Variants in PPM1L observed in about 807,000 individuals in gnomAD.
The protein encoded by PPM1L is protein phosphatase, Mg2+/Mn2+ dependent 1L.
PPM1L carries 13 observed loss-of-function variants against 31.4 expected under a neutral mutation model. That is an observed-to-expected ratio of 0.41 (90% CI 0.27 to 0.66). The LOEUF (loss-of-function observed/expected upper bound fraction) is 0.66, where lower values mean the gene tolerates loss of function less well. Ranked by LOEUF, PPM1L falls within the 30% of genes least tolerant of loss-of-function variation. The pLI is 0.29. For synonymous variants in PPM1L, 184 were observed against 175.4 expected (o/e 1.05, Z -0.39); for missense variants, 326 against 453.7 (o/e 0.72, Z 2.56).
rs1714176812 is a variant in PPM1L at position 160,916,253 on chromosome 3, A to G, written c.400-45483A>G. Among the ~76,000 whole-genome samples, 4 of 152,230 alleles carry G rather than the reference A, an allele frequency of 2.6e-5. No individual in the cohort carries two copies. In the South Asian group the frequency reaches 8.3e-4, roughly 32 times the overall value. ...CCCCATCAAAAAGTGGGCGAAGGAT[A>G]TGAACAGACACTTCTCAAAAGAAGA... On this transcript the variant is annotated intron_variant, in intron 1 of 3. Coordinates refer to ENST00000498165, the MANE Select transcript of PPM1L (RefSeq NM_139245.4).
At chr3:161,066,112 TCTC>T (rs1432633087) in intron 3 of PPM1L, among the ~76,000 whole-genome samples, 1 of 152,224 alleles carries the variant, frequency 6.6e-6, no homozygotes, top group Non-Finnish European at 1.5e-5. Context: ...CATACCTGGC[TCTC>T]CTATTTGCCT....
chr3:160,987,012 T>A (rs1164679701), intron 2 of PPM1L, among the ~76,000 whole-genome samples: 3 of 152,218 alleles, frequency 2.0e-5, no homozygotes, highest in African/African-American at 7.2e-5. Context: ...GAGTTTTATT[T>A]GTCTTCACTT....
chr3:160,834,951 GA>G (rs1332621302), intron 1 of PPM1L, among the ~76,000 whole-genome samples: 2 of 152,010 alleles, frequency 1.3e-5, no homozygotes, highest in Non-Finnish European at 2.9e-5. Flanking sequence ...ATGCACAAAA[GA>G]ACAATTGTCA....
rs566275865 is a variant in PPM1L, at chr3:161,059,417, G to C, written c.575-5986G>C. ...GTGTAAAGTGTATTTTGCTACATCT[G>C]ATAGCTCTTTTTATGGCAATAGCTG... On this transcript the variant is annotated intron_variant, in intron 2 of 3. Transcript: ENST00000498165. Among the ~76,000 whole-genome samples the C allele has an allele frequency of 2.0e-5, 3 of 152,266 alleles. No individual in the cohort carries two copies. In the South Asian group the frequency reaches 6.2e-4, roughly 32 times the overall value.
At chr3:160,783,890 ATAGT>A (rs1711821690) in intron 1 of PPM1L, among the ~76,000 whole-genome samples, 1 of 152,206 alleles carries the variant, frequency 6.6e-6, no homozygotes, top group Non-Finnish European at 1.5e-5. Flanking sequence ...GAAATATCTG[ATAGT>A]TAGAAGAGAT....
At chr3:161,021,575 C>T (rs753553086) in intron 2 of PPM1L, among the ~76,000 whole-genome samples, 2 of 151,868 alleles carry the variant, frequency 1.3e-5, no homozygotes, top group Non-Finnish European at 2.9e-5. Context: ...TTATTTATTT[C>T]CTTTTTAATC....
At chr3:160,779,030 G>T (rs1267799120) in intron 1 of PPM1L, among the ~76,000 whole-genome samples, 1 of 148,046 alleles carries the variant, frequency 6.8e-6, no homozygotes, top group Non-Finnish European at 1.5e-5. Flanking sequence ...AAAATGCTTT[G>T]TTTTCCCTGG....
intron 1 of PPM1L, among the ~76,000 whole-genome samples, chr3:160,896,385 A>G (rs1052259513): frequency 6.6e-6 from 1 of 152,106 alleles, no homozygotes; most frequent in African/African-American, 2.4e-5. Flanking sequence ...TTTTCCATTT[A>G]TATTTTTCAT....
At chr3:160,984,839 A>T (rs1576762611) in intron 2 of PPM1L, among the ~76,000 whole-genome samples, 1 of 151,918 alleles carries the variant, frequency 6.6e-6, no homozygotes, top group Non-Finnish European at 1.5e-5. Flanking sequence ...GGCGATATCT[A>T]CCTCCACCCC....
chr3:161,055,896 G>A (rs1263278631), intron 2 of PPM1L, among the ~76,000 whole-genome samples: 1 of 152,066 alleles, frequency 6.6e-6, no homozygotes, highest in Non-Finnish European at 1.5e-5. Context: ...GTGGGTGAGT[G>A]TCCATGTGCA....
chr3:161,028,783 C>T (rs951911579), intron 2 of PPM1L, among the ~76,000 whole-genome samples: 3 of 152,106 alleles, frequency 2.0e-5, no homozygotes, highest in East Asian at 1.9e-4. Flanking sequence ...CTGAGGCAGT[C>T]ATTAATAAAA....
chr3:161,016,469 A>G (rs1718090962), intron 2 of PPM1L, among the ~76,000 whole-genome samples: 1 of 152,218 alleles, frequency 6.6e-6, no homozygotes, highest in Non-Finnish European at 1.5e-5. Flanking sequence ...TAACCAAGAT[A>G]TGGAACGCTG....
At chr3:161,061,062 C>T (rs931256176) in intron 2 of PPM1L, among the ~76,000 whole-genome samples, 1 of 152,044 alleles carries the variant, frequency 6.6e-6, no homozygotes, top group Non-Finnish European at 1.5e-5. Flanking sequence ...TTTGTTCTGT[C>T]AAGTAAGATG....
chr3:160,877,097 G>C (rs1196149887), intron 1 of PPM1L, among the ~76,000 whole-genome samples: 1 of 152,162 alleles, frequency 6.6e-6, no homozygotes, highest in East Asian at 1.9e-4. Context: ...ATTTGCTTTG[G>C]TGTTTCATTG....
intron 1 of PPM1L, among the ~76,000 whole-genome samples, chr3:160,831,034 C>CA (rs1206744879): frequency 1.3e-5 from 2 of 152,166 alleles, no homozygotes; most frequent in Non-Finnish European, 2.9e-5. Flanking sequence ...GGACAGCACC[C>CA]AAGGGGGTTT....
At chr3:160,894,079 G>GATATTAAAT (rs1713250657) in intron 1 of PPM1L, among the ~76,000 whole-genome samples, 1 of 152,104 alleles carries the variant, frequency 6.6e-6, no homozygotes, top group Admixed American at 6.5e-5. Flanking sequence ...ATACATTTTT[G>GATATTAAAT]ACTTATGATA....
chr3:160,944,813 T>C (rs1181810179), intron 1 of PPM1L, among the ~76,000 whole-genome samples: 1 of 15,578 alleles, frequency 6.4e-5, no homozygotes, highest in African/African-American at 1.8e-4. Flanking sequence ...ATATATAACA[T>C]ATATATGTTA....
intron 1 of PPM1L, among the ~76,000 whole-genome samples, chr3:160,808,442 GC>G (rs1712707063): frequency 7.1e-6 from 1 of 141,160 alleles, no homozygotes; most frequent in Admixed American, 7.0e-5. Flanking sequence ...GGGAAGCTGG[GC>G]TTCATAAGAG....
chr3:160,820,819 T>A (rs1576653928), intron 1 of PPM1L, among the ~76,000 whole-genome samples: 1 of 152,138 alleles, frequency 6.6e-6, no homozygotes, highest in Non-Finnish European at 1.5e-5. Flanking sequence ...TTTGGCAATA[T>A]GTTGTTCCTA....
Sources: allele counts gnomAD v4.1 joint callset (sites outside exome capture counted in the v4.1 genomes callset), GRCh38; gene constraint gnomAD v4.1.1; transcripts MANE v1.5; gene names NCBI Gene and HGNC (gene_info 2026-07-23, HGNC 2026-07-21).